NUTM2B: variants seen among roughly 807,000 people sequenced by gnomAD.
NUTM2B encodes NUT family member 2B.
A neutral mutation model predicts 42.4 loss-of-function variants in NUTM2B; 2 were observed. The observed-to-expected ratio is 0.05, with a 90% CI of 0.02 to 0.15. The LOEUF (loss-of-function observed/expected upper bound fraction) is 0.15. Ranked by LOEUF, NUTM2B falls within the 10% of genes least tolerant of loss-of-function variation. NUTM2B has a pLI of 1.00. For synonymous variants in NUTM2B, 18 were observed against 402.4 expected, an observed-to-expected ratio of 0.04 and a Z score of 11.43; for missense variants, 58 against 952.6, an observed-to-expected ratio of 0.06 and a Z score of 12.36.
intron 1 of NUTM2B, among the ~76,000 whole-genome samples, chr10:79,705,341 C>T (rs975929325): frequency 2.7e-5 from 4 of 150,612 alleles, no homozygotes; most frequent in African/African-American, 9.8e-5. Context: ...GGGAACAGAG[C>T]TTCCTGAGTG....
upstream of NUTM2B, among the ~76,000 whole-genome samples, chr10:79,701,691 T>C (rs1435565319): frequency 1.0e-4 from 15 of 149,732 alleles, no homozygotes; most frequent in Admixed American, 2.7e-4. Flanking sequence ...CAGCTGTCAG[T>C]GCGGCCCAGG....
chr10:79,699,505 C>G (rs1164895567), upstream of NUTM2B, among the ~76,000 whole-genome samples: 2 of 152,238 alleles, frequency 1.3e-5, no homozygotes, highest in Admixed American at 6.5e-5. Context: ...TGCAGTGGCA[C>G]GATCTGGGCT....
chr10:79,710,912 G>A, intron 5 of NUTM2B, 148 bp downstream of exon 5: 1 of 1,315,376 alleles, frequency 7.6e-7, no homozygotes, highest in East Asian at 3.0e-5. Flanking sequence ...GTGTGTCTGT[G>A]TGTTGCTGTG....
rs1232510634 is a variant in NUTM2B, at chr10:79,709,846, C to G, written c.1258C>G (p.Gln420Glu). The change falls in exon 4 of 7, where the codon CAA (glutamine) becomes GAA (glutamate). Residue 420 changes from glutamine (Q) to glutamate (E), a missense_variant. Gln to Glu is a conservative substitution (Grantham distance 29, BLOSUM62 2). Coordinates refer to ENST00000429828, the Ensembl canonical transcript of NUTM2B. ...GGAGGAGATGCAGATTCAGAAATCG[C>G]AATGGATGAAGGGGCCCCAGTGCCT... 5.0e-6 allele frequency: 5 copies of G among 993,072 alleles called. No homozygotes were observed. The South Asian group carries it at 1.1e-4, about 22-fold the overall frequency. The allele number at this position is 993,072 out of a possible 1,614,324, so 61.5% of individuals were successfully genotyped here.
chr10:79,705,699 C>G (rs1840377869), intron 1 of NUTM2B, among the ~76,000 whole-genome samples: 1 of 144,674 alleles, frequency 6.9e-6, no homozygotes, highest in South Asian at 2.5e-4. Context: ...CGCTGAGGAC[C>G]ACCAGGCCGC....
chr10:79,693,962 C>G, the NUTM2B span, among the ~76,000 whole-genome samples: 1 of 152,272 alleles, frequency 6.6e-6, no homozygotes, highest in Admixed American at 6.5e-5. Context: ...AGGAGCAAGG[C>G]CCACAAATCC....
the NUTM2B span, among the ~76,000 whole-genome samples, chr10:79,693,103 C>G: frequency 6.6e-6 from 1 of 152,212 alleles, no homozygotes; most frequent in South Asian, 2.1e-4. Context: ...ACCCCCAGCT[C>G]TCCCTGCTCT....
At chr10:79,700,916 C>T (rs922183584), upstream of NUTM2B, among the ~76,000 whole-genome samples, 5 of 152,178 alleles carry the variant, frequency 3.3e-5, no homozygotes, top group African/African-American at 1.2e-4. Context: ...CAGACAACGC[C>T]CCCTCATTGG....
chr10:79,699,479 G>T (rs140043086), upstream of NUTM2B, among the ~76,000 whole-genome samples: 18,903 of 152,218 alleles, frequency 0.12, 1,569 homozygotes, highest in East Asian at 0.43. Context: ...GTCTCGCTCT[G>T]TTGCCCAGGC....
chr10:79,693,978 T>G, the NUTM2B span, among the ~76,000 whole-genome samples: 5 of 152,080 alleles, frequency 3.3e-5, no homozygotes, highest in African/African-American at 1.2e-4. Flanking sequence ...AATCCTCGGG[T>G]GAGTCTGAGG....
the NUTM2B span, among the ~76,000 whole-genome samples, chr10:79,695,872 A>G: frequency 6.6e-6 from 1 of 151,462 alleles, no homozygotes; most frequent in East Asian, 2.0e-4. Context: ...ATACTGAAGG[A>G]GCAACCACCT....
upstream of NUTM2B, among the ~76,000 whole-genome samples, chr10:79,699,825 T>C: frequency 6.6e-6 from 1 of 152,218 alleles, no homozygotes; most frequent in Admixed American, 6.5e-5. Context: ...TTCTCACCAA[T>C]TAAATACATA....
the NUTM2B span, among the ~76,000 whole-genome samples, chr10:79,695,504 G>A: frequency 3.9e-5 from 6 of 152,118 alleles, no homozygotes; most frequent in East Asian, 1.9e-4. Context: ...CCTTAGCCCC[G>A]AAGCCTCAGG....
chr10:79,705,050 G>A (rs2132244140), intron 1 of NUTM2B, among the ~76,000 whole-genome samples: 1 of 147,958 alleles, frequency 6.8e-6, no homozygotes, highest in South Asian at 2.2e-4. Context: ...ATGAGTTCCA[G>A]ACAACTTTGC....
At chr10:79,702,494 C>T (rs1295897645), upstream of NUTM2B, among the ~76,000 whole-genome samples, 3 of 151,728 alleles carry the variant, frequency 2.0e-5, no homozygotes, top group Non-Finnish European at 4.4e-5. Flanking sequence ...CTTGCCCCTG[C>T]CCCTGCCCCT....
upstream of NUTM2B, among the ~76,000 whole-genome samples, chr10:79,700,654 A>G (rs528033615): frequency 6.6e-6 from 1 of 152,154 alleles, no homozygotes; most frequent in South Asian, 2.1e-4. Context: ...ATTTTTAGGT[A>G]ACACCAAGAA....
upstream of NUTM2B, among the ~76,000 whole-genome samples, chr10:79,700,659 CAAG>C (rs1840298678): frequency 6.6e-6 from 1 of 152,082 alleles, no homozygotes; most frequent in Non-Finnish European, 1.5e-5. Context: ...TAGGTAACAC[CAAG>C]AAGGACGCCA....
the NUTM2B span, among the ~76,000 whole-genome samples, chr10:79,694,198 G>A: frequency 3.9e-5 from 6 of 152,134 alleles, no homozygotes; most frequent in African/African-American, 1.4e-4. Flanking sequence ...AGGAGTTCGA[G>A]ACCAGCCTGG....
chr10:79,693,918 C>T, the NUTM2B span, among the ~76,000 whole-genome samples: 1 of 152,100 alleles, frequency 6.6e-6, no homozygotes, highest in Admixed American at 6.5e-5. Flanking sequence ...GGATTCACCA[C>T]GAGGAAGAAA....
Sources: allele counts gnomAD v4.1 joint callset (sites outside exome capture counted in the v4.1 genomes callset), GRCh38; gene constraint gnomAD v4.1.1; transcripts MANE v1.5; gene names NCBI Gene and HGNC (gene_info 2026-07-23, HGNC 2026-07-21).